Variants in WWOX observed in about 807,000 individuals in gnomAD.
WWOX encodes WW domain containing oxidoreductase.
Under a neutral mutation model 46.2 loss-of-function variants are expected in WWOX, and 69 were observed. The ratio of observed to expected loss-of-function variants is 1.49; its 90% CI spans 1.23 to 1.82. The LOEUF is 1.82. WWOX is among the 40% of genes most tolerant of loss of function. WWOX has a pLI of 0.00. For synonymous variants in WWOX, 359 were observed against 202.6 expected (o/e 1.77, Z -6.56); for missense variants, 919 against 542.6 (o/e 1.69, Z -6.89).
chr16:79,108,952 G>A (rs1242946184), intron 8 of WWOX, among the ~76,000 whole-genome samples: 1 of 151,458 alleles, frequency 6.6e-6, no homozygotes, highest in Non-Finnish European at 1.5e-5. Context: ...AATCTTGTGT[G>A]AAATACTTGG....
chr16:78,801,459 A>G (rs553316114), intron 8 of WWOX, among the ~76,000 whole-genome samples: 2 of 152,158 alleles, frequency 1.3e-5, no homozygotes, highest in Admixed American at 6.5e-5. Context: ...CAGTAAGCTG[A>G]TATCATGTCA....
chr16:78,951,250 C>T (rs2046053618), intron 8 of WWOX, among the ~76,000 whole-genome samples: 1 of 152,232 alleles, frequency 6.6e-6, no homozygotes, highest in African/African-American at 2.4e-5. Flanking sequence ...ACTTCCATCT[C>T]TGTAAACTTC....
At chr16:78,824,892 G>A (rs1422772060) in intron 8 of WWOX, among the ~76,000 whole-genome samples, 3 of 152,236 alleles carry the variant, frequency 2.0e-5, no homozygotes, top group East Asian at 1.9e-4. Context: ...GAGAGGAAGC[G>A]ACACACCTTT....
At chr16:78,940,533 C>T (rs1260155613) in intron 8 of WWOX, among the ~76,000 whole-genome samples, 1 of 152,146 alleles carries the variant, frequency 6.6e-6, no homozygotes, top group Non-Finnish European at 1.5e-5. Flanking sequence ...CCATCGACAT[C>T]CCGTGTTCCA....
chr16:78,832,296 A>T (rs974209260), intron 8 of WWOX, among the ~76,000 whole-genome samples: 1 of 152,156 alleles, frequency 6.6e-6, no homozygotes, highest in Non-Finnish European at 1.5e-5. Flanking sequence ...ACAATATGTC[A>T]TCTGGTCTCC....
At chr16:78,939,587 T>G (rs554587077) in intron 8 of WWOX, among the ~76,000 whole-genome samples, 79 of 152,366 alleles carry the variant, frequency 5.2e-4, no homozygotes, top group African/African-American at 1.9e-3. Flanking sequence ...ATATGGCTAC[T>G]GAAATGGCTT....
intron 5 of WWOX, among the ~76,000 whole-genome samples, chr16:78,286,524 A>G (rs529008636): frequency 6.6e-6 from 1 of 152,366 alleles, no homozygotes; most frequent in East Asian, 1.9e-4. Context: ...ACAGAAAAAT[A>G]ATACATGATG....
intron 5 of WWOX, among the ~76,000 whole-genome samples, chr16:78,367,561 C>T (rs78075386): frequency 9.9e-5 from 15 of 152,046 alleles, no homozygotes; most frequent in African/African-American, 2.7e-4. Flanking sequence ...TAAAAGGCTT[C>T]GAGTTCATGG....
At chr16:78,712,601 G>C (rs1247397531) in intron 8 of WWOX, among the ~76,000 whole-genome samples, 1 of 152,092 alleles carries the variant, frequency 6.6e-6, no homozygotes, top group Admixed American at 6.6e-5. Flanking sequence ...AGGGGAACCT[G>C]CTCTCAAAGA....
chr16:78,763,370 C>G (rs184392725), intron 8 of WWOX, among the ~76,000 whole-genome samples: 3 of 152,332 alleles, frequency 2.0e-5, no homozygotes, highest in Non-Finnish European at 4.4e-5. Context: ...TTACTTGTTT[C>G]TGTTCATCCA....
intron 8 of WWOX, among the ~76,000 whole-genome samples, chr16:78,457,572 ACT>A (rs1022522052): frequency 1.3e-4 from 20 of 151,954 alleles, no homozygotes; most frequent in African/African-American, 4.3e-4. Flanking sequence ...TTTTTATAAG[ACT>A]CTGCATTTAC....
chr16:78,222,302 G>A (rs2036913091), intron 5 of WWOX, among the ~76,000 whole-genome samples: 1 of 149,728 alleles, frequency 6.7e-6, no homozygotes, highest in South Asian at 2.1e-4. Flanking sequence ...GCCCAGCTGT[G>A]CCTCATTAGG....
intron 8 of WWOX, among the ~76,000 whole-genome samples, chr16:78,502,095 T>A (rs2085084684): frequency 6.6e-6 from 1 of 152,178 alleles, no homozygotes; most frequent in Non-Finnish European, 1.5e-5. Flanking sequence ...TTTATACTTG[T>A]CTTCCTTCCC....
At chr16:78,985,932 GGCCGAGAAAT>G (rs2046776028) in intron 8 of WWOX, among the ~76,000 whole-genome samples, 1 of 152,190 alleles carries the variant, frequency 6.6e-6, no homozygotes, top group African/African-American at 2.4e-5. Flanking sequence ...CACCTTGACT[GGCCGAGAAAT>G]GCAGATGCTG....
At chr16:78,806,510 C>G (rs1007688435) in intron 8 of WWOX, among the ~76,000 whole-genome samples, 3 of 152,154 alleles carry the variant, frequency 2.0e-5, no homozygotes, top group Non-Finnish European at 2.9e-5. Context: ...AGGTTGTTCA[C>G]TCATGAGTCT....
At chr16:79,095,938 C>G (rs2049060257) in intron 8 of WWOX, among the ~76,000 whole-genome samples, 1 of 149,494 alleles carries the variant, frequency 6.7e-6, no homozygotes, top group Non-Finnish European at 1.5e-5. Flanking sequence ...CAACCTCTGC[C>G]TCCCAGGTTC....
At chr16:78,767,078 CTCCT>C (rs1167635641) in intron 8 of WWOX, among the ~76,000 whole-genome samples, 1 of 147,548 alleles carries the variant, frequency 6.8e-6, no homozygotes, top group East Asian at 2.0e-4. Flanking sequence ...CCCTCCCTCC[CTCCT>C]TCTCTCTCTC....
At chr16:78,852,339 A>G (rs926436924) in intron 8 of WWOX, among the ~76,000 whole-genome samples, 2 of 152,172 alleles carry the variant, frequency 1.3e-5, no homozygotes, top group African/African-American at 4.8e-5. Context: ...AGGTGACAAA[A>G]TACATTTGGA....
intron 8 of WWOX, among the ~76,000 whole-genome samples, chr16:78,566,342 C>G (rs1172223657): frequency 6.6e-6 from 1 of 152,214 alleles, no homozygotes; most frequent in Non-Finnish European, 1.5e-5. Flanking sequence ...TCACTTACCT[C>G]TCTACTAAGT....
Sources: allele counts gnomAD v4.1 joint callset (sites outside exome capture counted in the v4.1 genomes callset), GRCh38; gene constraint gnomAD v4.1.1; transcripts MANE v1.5; gene names NCBI Gene and HGNC (gene_info 2026-07-23, HGNC 2026-07-21).